The following CELSR3 variants were observed in gnomAD, a reference collection of about 807,000 sequenced individuals.
CELSR3 encodes EGF-like protein 1.
CELSR3 carries 73 observed loss-of-function variants against 270.0 expected under a neutral mutation model. That is an observed-to-expected ratio of 0.27 (90% CI 0.22 to 0.33). The LOEUF is 0.33. CELSR3 is among the 10% of genes least tolerant of loss of function. CELSR3 has a pLI of 1.00. For synonymous variants in CELSR3, 1,780 were observed against 1,905.4 expected, an observed-to-expected ratio of 0.93 and a Z score of 1.71; for missense variants, 3,614 against 4,533.8, an observed-to-expected ratio of 0.80 and a Z score of 5.83.
At chr3:48,643,163 G>C in intron 28 of CELSR3, 80 bp from the exon 29 acceptor site, 1 of 941,272 alleles carries the variant, frequency 1.1e-6, no homozygotes, top group South Asian at 1.4e-5. Context: ...TCAGCAATGG[G>C]GTCAGTCACT....
At position 48,651,051 on chromosome 3, in the gene CELSR3, T is replaced by G; in HGVS notation, c.6211A>C (p.Ser2071Arg). 1 of 1,578,262 alleles carries G rather than the reference T, an allele frequency of 6.3e-7. No homozygotes were observed. The highest frequency in any genetic ancestry group is 1.7e-4 in the Middle Eastern group (1 of 5,810). Residue 2071 changes from serine to arginine, a missense_variant, in exon 15 of 35, where the codon AGT becomes CGT. Around this residue, in one of 7 missense-constraint regions of CELSR3, gnomAD observed 1,331 missense variants for 1,933.7 expected, o/e 0.69. Coordinates refer to ENST00000164024, the MANE Select transcript of CELSR3 (RefSeq NM_001407.3). This position sits in a 1 kb window ranked among gnomAD's most constrained non-coding sequence, Gnocchi z 7.4. Reference protein sequence around the residue: ...CKEFHYRPRGSDSCLPCDCYP... With the variant: ...CKEFHYRPRGRDSCLPCDCYP... ...CAGTCACATGGGAGGCAAGAGTCAC[T>G]GCCCCGCGGTCGGTAGTGGAACTCC... is the stretch of plus-strand genomic sequence containing the variant.
At position 48,642,537 on chromosome 3, in the gene CELSR3, T is replaced by TTCCC. The variant is rs1478076786; in HGVS notation, c.8556-71_8556-70insGGGA. On this transcript the variant is annotated intron_variant, in intron 30 of 34. Transcript: ENST00000164024. This position sits in a 1 kb window ranked among gnomAD's most constrained non-coding sequence, Gnocchi z 6.1. ...GGGTGCCTTGGAGGCTGGAGTGTCT[T>TTCCC]TGAGTGCACAGCCAGCTGCGGGTGG... The TTCCC allele has an allele frequency of 8.6e-6, 13 of 1,517,444 alleles. No homozygotes were observed. In the African/African-American group the frequency reaches 1.8e-4, roughly 21 times the overall value. 94.0% of individuals were successfully genotyped at this position (1,517,444 alleles called of 1,614,324 possible). A position where few individuals can be genotyped will look rare whatever the true frequency, so the allele number is the denominator to read the frequency against.
At chr3:48,647,069 A>G in intron 20 of CELSR3, 141 bp from the exon 21 acceptor site, 1 of 753,270 alleles carries the variant, frequency 1.3e-6, no homozygotes, top group South Asian at 2.3e-5. Context: ...GAACCCAGAA[A>G]GTAACAGTCA....
At position 48,658,663 on chromosome 3, in the gene CELSR3, TCTG is replaced by T. The variant is rs1198847273; in HGVS notation, c.3748+221_3748+223del. Among the ~76,000 whole-genome samples the T allele has an allele frequency of 6.6e-6, 1 of 152,062 alleles. No individual in the cohort carries two copies. The highest frequency in any genetic ancestry group is 2.4e-5 in the African/African-American group (1 of 41,420). ...ACAGTTCTTTACAGGCTTTATGGGG[TCTG>T]CTAGATGCCTTGGAATCACTGGGAT... On this transcript the variant is annotated intron_variant, in intron 1 of 34. Transcript: ENST00000164024. The surrounding 1 kb of genome is among the most constrained non-coding windows in gnomAD (Gnocchi z 4.7).
Position 48,651,280 on chromosome 3 carries a change from G to A in CELSR3, c.6186+79C>T, listed in dbSNP as rs1328273141. On this transcript the variant is annotated intron_variant, in intron 14 of 34. Coordinates refer to ENST00000164024, the MANE Select transcript of CELSR3 (RefSeq NM_001407.3). This position sits in a 1 kb window ranked among gnomAD's most constrained non-coding sequence, Gnocchi z 7.4. ...AGGCAAGAGGTTAGGGCCCAAGTCA[G>A]GTGGCGGAGGTCAGCAAGCTGGACA... is the stretch of plus-strand genomic sequence containing the variant. The A allele has an allele frequency of 6.3e-6, 10 of 1,586,694 alleles. No individual in the cohort carries two copies. Among genetic ancestry groups the A allele is most frequent in the South Asian group, 1.1e-5 (1 of 87,200 alleles).
At position 48,645,895 on chromosome 3, in the gene CELSR3, A is replaced by C; in HGVS notation, c.7464-27T>G. On this transcript the variant is annotated intron_variant, in intron 22 of 34. Transcript: ENST00000164024. The surrounding 1 kb of genome is among the most constrained non-coding windows in gnomAD (Gnocchi z 5.4). ...TGCAGCCACAGGGCAGTTAGACACA[A>C]CTGTGACCCAGTGTCAGGCAGGGGT... is the stretch of plus-strand genomic sequence containing the variant. The C allele has an allele frequency of 6.3e-7, 1 of 1,585,528 alleles. No homozygotes were observed. The highest frequency in any genetic ancestry group is 1.1e-5 in the South Asian group (1 of 90,272).
rs148887759 is a variant in CELSR3 at position 48,646,864 on chromosome 3, C to T, written c.7194G>A (p.Pro2398=). 5.9e-5 allele frequency: 94 copies of T among 1,592,744 alleles called. No individual in the cohort carries two copies. In the African/African-American group the frequency reaches 7.8e-4, roughly 13 times the overall value. The change falls in exon 21 of 35, where the codon CCG becomes CCA. Residue 2398 remains proline, a synonymous_variant. Coordinates refer to ENST00000164024, the MANE Select transcript of CELSR3 (RefSeq NM_001407.3). This position sits in a 1 kb window ranked among gnomAD's most constrained non-coding sequence, Gnocchi z 4.8. ...TTSSVVPPPA[P]PEPEPGISII... is the part of the protein sequence containing the mutation. Reference sequence around the variant, plus strand: ...TGGAGATCCCAGGCTCTGGCTCTGGCGGGGCTGGTGGGGGGACCACACTTG... The same window carrying T: ...TGGAGATCCCAGGCTCTGGCTCTGGTGGGGCTGGTGGGGGGACCACACTTG...
In CELSR3 at chr3:48,650,433, A is replaced by AGGGGGGGGGGGGGGGGGGGGGGGGGGGGG; in HGVS notation, c.6472+46_6472+47insCCCCCCCCCCCCCCCCCCCCCCCCCCCCC. On this transcript the variant is annotated intron_variant, in intron 16 of 34. Coordinates refer to ENST00000164024, the MANE Select transcript of CELSR3 (RefSeq NM_001407.3). This position sits in a 1 kb window ranked among gnomAD's most constrained non-coding sequence, Gnocchi z 5.1. ...GACATGGCTCTAGCAGTCAGAGTACAGGCCCACCCCCACCCTCAGTGATGT... is the reference window on the plus strand; with the variant it reads ...GACATGGCTCTAGCAGTCAGAGTACAGGGGGGGGGGGGGGGGGGGGGGGGGGGGGGGCCCACCCCCACCCTCAGTGATGT... 3 of 927,806 alleles carry AGGGGGGGGGGGGGGGGGGGGGGGGGGGGG rather than the reference A, an allele frequency of 3.2e-6. No individual in the cohort carries two copies. Among genetic ancestry groups the AGGGGGGGGGGGGGGGGGGGGGGGGGGGGG allele is most frequent in the Non-Finnish European group, 5.0e-6 (3 of 598,384 alleles). The allele number at this position is 927,806 out of a possible 1,614,324, so 57.5% of individuals were successfully genotyped here.
At position 48,640,048 on chromosome 3, in the gene CELSR3, T is replaced by C. The variant is rs1416540067; in HGVS notation, c.9537A>G (p.Gln3179=). 1 of 1,610,458 alleles carries C rather than the reference T, an allele frequency of 6.2e-7. No individual in the cohort carries two copies. Residue 3179 remains glutamine, a synonymous_variant, in exon 34 of 35, where the codon CAA becomes CAG. Coordinates refer to ENST00000164024, the MANE Select transcript of CELSR3 (RefSeq NM_001407.3). The surrounding 1 kb of genome is among the most constrained non-coding windows in gnomAD (Gnocchi z 7.5). ...PPPLPLSPQR[Q]LSRDPLLPSR... The stretch of plus-strand genomic sequence containing the variant: ...ATGGCAAGAGGGGGTCCCTTGAGAG[T>C]TGCCGCTGGGGAGACAGGGGCAGAG...
In CELSR3 at chr3:48,662,404, G is replaced by A; in HGVS notation, c.231C>T (p.Gly77=). The change falls in exon 1 of 35, where the codon GGC becomes GGT. Residue 77 remains glycine (G), a synonymous_variant. Coordinates refer to ENST00000164024, the MANE Select transcript of CELSR3 (RefSeq NM_001407.3). The surrounding 1 kb of genome is among the most constrained non-coding windows in gnomAD (Gnocchi z 7.1). ...CGAAGATAGGCTCCCTGACCCCCAG[G>A]CCAGGCCCCCCATCCTCCCGGACCC... ...SSGVREDGGP[G]LGVREPIFVG... 4 of 1,612,842 alleles carry A rather than the reference G, an allele frequency of 2.5e-6. No homozygotes were observed. The highest frequency in any genetic ancestry group is 3.4e-6 in the Non-Finnish European group (4 of 1,179,942).
In CELSR3 at chr3:48,658,918, T is replaced by G. The variant is rs757107694; in HGVS notation, c.3717A>C (p.Pro1239=). Reference sequence around the variant, plus strand: ...CAGTCACCAACATGGAGGCCACCAGTGGGCGGTTATTGTCTAGCTTTCGGC... The same window carrying G: ...CAGTCACCAACATGGAGGCCACCAGGGGGCGGTTATTGTCTAGCTTTCGGC... ...RLSRKLDNNR[P]LVASMLVTVT... Residue 1239 remains proline (P), a synonymous_variant, in exon 1 of 35, where the codon CCA becomes CCC. Transcript: ENST00000164024. This position sits in a 1 kb window ranked among gnomAD's most constrained non-coding sequence, Gnocchi z 4.7. 42 of 1,613,918 alleles carry G rather than the reference T, an allele frequency of 2.6e-5. No individual in the cohort carries two copies. The highest frequency in any genetic ancestry group is 3.3e-5 in the Non-Finnish European group (39 of 1,179,934).
intron 16 of CELSR3, 91 bp from the exon 17 acceptor site, chr3:48,649,306 C>A: frequency 9.4e-7 from 1 of 1,069,294 alleles, no homozygotes. Flanking sequence ...TGGGGGAATC[C>A]CTGAGGCAGA....
In CELSR3 at chr3:48,660,198, C is replaced by A. The variant is rs2077055505; in HGVS notation, c.2437G>T (p.Val813Leu). ...AISTQGGVGL[V>L]TLALPLDYKQ... ...TAGTCCAGTGGCAGAGCCAGAGTCA[C>A]CAGACCCACACCCCCCTGGGTGCTG... Residue 813 changes from valine to leucine, a missense_variant, in exon 1 of 35, where the codon GTG becomes TTG. This residue lies in a region of CELSR3 where 215 missense variants were observed against 241.2 expected (regional missense o/e 0.89). Transcript: ENST00000164024. The surrounding 1 kb of genome is among the most constrained non-coding windows in gnomAD (Gnocchi z 5.5). 6.2e-7 allele frequency: 1 copy of A among 1,614,102 alleles called. No individual in the cohort carries two copies. The highest frequency in any genetic ancestry group is 8.5e-7 in the Non-Finnish European group (1 of 1,180,030).
At position 48,661,800 on chromosome 3, in the gene CELSR3, G is replaced by A; in HGVS notation, c.835C>T (p.Arg279Trp). 1 of 1,608,412 alleles carries A rather than the reference G, an allele frequency of 6.2e-7. No homozygotes were observed. Among genetic ancestry groups the A allele is most frequent in the Non-Finnish European group, 8.5e-7 (1 of 1,179,126 alleles). Residue 279 changes from arginine (R) to tryptophan (W), a missense_variant, in exon 1 of 35, where the codon CGG becomes TGG. Coordinates refer to ENST00000164024, the MANE Select transcript of CELSR3 (RefSeq NM_001407.3). ...AGGAAGCGGCAGCGGAAGAGACCCC[G>A]GGAGCGCATGCGCTTGGGCGCCGGC... ...PEPAPKRMRS[R>W]GLFRCRFLPQ...
chr3:48,660,861 G>A lies in CELSR3; in HGVS notation c.1774C>T (p.His592Tyr). 6.2e-7 allele frequency: 1 copy of A among 1,614,012 alleles called. No homozygotes were observed. The highest frequency in any genetic ancestry group is 8.5e-7 in the Non-Finnish European group (1 of 1,180,028). The change falls in exon 1 of 35, where the codon CAC (histidine) becomes TAC (tyrosine). Residue 592 changes from histidine to tyrosine, a missense_variant. His to Tyr is a moderately conservative substitution (Grantham distance 83). This residue lies in a region of CELSR3 where 354 missense variants were observed against 500.9 expected (regional missense o/e 0.71). Coordinates refer to ENST00000164024, the MANE Select transcript of CELSR3 (RefSeq NM_001407.3). This position sits in a 1 kb window ranked among gnomAD's most constrained non-coding sequence, Gnocchi z 5.5. ...CCAGTGAGGCTGTCGATGGCAAAGT[G>A]TCCACGGCTATTGCCACTGATGATG... ...YNIISGNSRG[H>Y]FAIDSLTGEI...
chr3:48,645,025 C>T lies in CELSR3; in HGVS notation c.7972+10G>A, dbSNP rs2047066244. ...TGTGATGGTTGGAGGTTGGGGGTCA[C>T]AGCCCTCACCCAGCAGCACAGCAGG... On this transcript the variant is annotated intron_variant, in intron 25 of 34. Coordinates refer to ENST00000164024, the MANE Select transcript of CELSR3 (RefSeq NM_001407.3). This position sits in a 1 kb window ranked among gnomAD's most constrained non-coding sequence, Gnocchi z 5.4. 4 of 1,567,190 alleles carry T rather than the reference C, an allele frequency of 2.6e-6. No homozygotes were observed. The highest frequency in any genetic ancestry group is 3.5e-6 in the Non-Finnish European group (4 of 1,150,140).
rs756790788 is a variant in CELSR3 at position 48,642,402 on chromosome 3, G to C, written c.8621C>G (p.Ala2874Gly). The part of the protein sequence containing the change: ...DHTDHSLQAH[A>G]GPTDLDVAMF... ...GGCCACGTCCAGGTCAGTGGGGCCA[G>C]CATGAGCCTGGAGGCTGTGGTCAGT... The change falls in exon 31 of 35, where the codon GCT becomes GGT. Residue 2874 changes from alanine (A) to glycine (G), a missense_variant. Ala to Gly is a moderately conservative substitution (Grantham distance 60). Around this residue, in one of 7 missense-constraint regions of CELSR3, gnomAD observed 1,240 missense variants for 1,351.7 expected, o/e 0.92. Coordinates refer to ENST00000164024, the MANE Select transcript of CELSR3 (RefSeq NM_001407.3). This position sits in a 1 kb window ranked among gnomAD's most constrained non-coding sequence, Gnocchi z 6.1. The C allele has an allele frequency of 1.1e-5, 17 of 1,613,210 alleles. No homozygotes were observed. The highest frequency in any genetic ancestry group is 1.7e-5 in the Admixed American group (1 of 59,984).
Position 48,650,469 on chromosome 3 carries a change from C to T in CELSR3, c.6472+11G>A, listed in dbSNP as rs1213727410. On this transcript the variant is annotated intron_variant, in intron 16 of 34. Coordinates refer to ENST00000164024, the MANE Select transcript of CELSR3 (RefSeq NM_001407.3). This position sits in a 1 kb window ranked among gnomAD's most constrained non-coding sequence, Gnocchi z 5.1. ...CACCCTCAGTGATGTCCTTTCCCCC[C>T]ACATACTCACCCAGGGCCCCCCGGG... 5.1e-6 allele frequency: 8 copies of T among 1,556,612 alleles called. No individual in the cohort carries two copies. The Admixed American group carries it at 8.6e-5, about 17-fold the overall frequency.
In CELSR3 at chr3:48,640,431, C is replaced by T; in HGVS notation, c.9154G>A (p.Ala3052Thr). ...GAAAGGCTGCCCGTGCCCCCGCCAG[C>T]ATAGATGCGACCGTAAGAGGCAGCT... ...VPAASYGRIYAGGGTGSLSQP... is the reference protein window; with the variant it reads ...VPAASYGRIYTGGGTGSLSQP... Residue 3052 changes from alanine (A) to threonine (T), a missense_variant, in exon 34 of 35, where the codon GCT (alanine) becomes ACT (threonine). Ala to Thr is a moderately conservative substitution (Grantham distance 58). This residue lies in a region of CELSR3 where 1,240 missense variants were observed against 1,351.7 expected (regional missense o/e 0.92). Coordinates refer to ENST00000164024, the MANE Select transcript of CELSR3 (RefSeq NM_001407.3). This position sits in a 1 kb window ranked among gnomAD's most constrained non-coding sequence, Gnocchi z 7.5. The T allele has an allele frequency of 6.2e-7, 1 of 1,612,690 alleles. No homozygotes were observed. Among genetic ancestry groups the T allele is most frequent in the Non-Finnish European group, 8.5e-7 (1 of 1,179,956 alleles).
Sources: gnomAD v4.1 joint callset for allele counts (sites outside exome capture counted in the v4.1 genomes callset) on GRCh38, gnomAD v4.1.1 for gene constraint, gnomAD v4.1.1 regional missense constraint, Gnocchi (gnomAD v3.1) non-coding constraint, MANE v1.5 for transcripts, NCBI Gene and HGNC (gene_info 2026-07-23, HGNC 2026-07-21) for gene names.